Variants in MAP3K20 observed in about 807,000 individuals in gnomAD.
The protein encoded by MAP3K20 is mitogen-activated protein kinase kinase kinase 20.
A neutral mutation model predicts 85.7 loss-of-function variants in MAP3K20; 40 were observed. The ratio of observed to expected loss-of-function variants is 0.47; its 90% CI spans 0.36 to 0.61. MAP3K20 has a LOEUF of 0.61. MAP3K20 is among the 20% of genes least tolerant of loss of function. The pLI is 0.00. For missense variants in MAP3K20, 817 were observed against 961.7 expected (o/e 0.85, Z 1.99); for synonymous variants, 325 against 327.7 (o/e 0.99, Z 0.09).
intron 10 of MAP3K20, chr2:173,210,608 A>C (rs149921852): frequency 1.3e-5 from 2 of 152,350 alleles, no homozygotes; most frequent in Admixed American, 1.3e-4. Context: ...AGAAAATTGT[A>C]TTGCATGAGT....
intron 18 of MAP3K20, 78 bp downstream of exon 18, chr2:173,261,215 T>A (rs2106356649): frequency 6.8e-7 from 1 of 1,467,470 alleles, no homozygotes; most frequent in Non-Finnish European, 9.4e-7. Flanking sequence ...TCAGAGCATA[T>A]AATTTATTGG....
At chr2:173,171,475 TGAG>T (rs1201208643) in intron 3 of MAP3K20, among the ~76,000 whole-genome samples, 1 of 152,182 alleles carries the variant, frequency 6.6e-6, no homozygotes, top group African/African-American at 2.4e-5. Flanking sequence ...TCTAGTTTCT[TGAG>T]GTGAGGGTGA....
chr2:173,228,330 G>A (rs965061705), intron 11 of MAP3K20, among the ~76,000 whole-genome samples: 3 of 151,292 alleles, frequency 2.0e-5, no homozygotes, highest in Non-Finnish European at 4.4e-5. Flanking sequence ...TCCCTCTCCC[G>A]CCATGCCAGG....
At chr2:173,235,377 AT>A (rs1237509946) in intron 14 of MAP3K20, among the ~76,000 whole-genome samples, 1 of 152,212 alleles carries the variant, frequency 6.6e-6, no homozygotes, top group African/African-American at 2.4e-5. Context: ...AACAACTGTT[AT>A]CCCCCACCTG....
At chr2:173,120,975 G>A (rs1236715845) in intron 2 of MAP3K20, among the ~76,000 whole-genome samples, 1 of 151,500 alleles carries the variant, frequency 6.6e-6, no homozygotes, top group African/African-American at 2.4e-5. Flanking sequence ...CCAAAGTGCT[G>A]GGATTACAGG....
intron 11 of MAP3K20, chr2:173,221,760 G>A: frequency 8.2e-7 from 1 of 1,223,430 alleles, no homozygotes; most frequent in Non-Finnish European, 1.0e-6. Context: ...AGCAAATGTG[G>A]TGCCTGATTA....
chr2:173,194,114 T>G (rs769876450), intron 7 of MAP3K20, among the ~76,000 whole-genome samples: 2 of 152,180 alleles, frequency 1.3e-5, no homozygotes, highest in Non-Finnish European at 2.9e-5. Context: ...TTAAAACAGC[T>G]TCTGCTGTGT....
At position 173,164,204 on chromosome 2, in the gene MAP3K20, C is replaced by T. The variant is rs191479293; in HGVS notation, c.160-5601C>T. On this transcript the variant is annotated intron_variant, in intron 2 of 19. Transcript: ENST00000375213. ...CCAACTCCTGCCCTTGTGATCTGCC[C>T]GCCTCGGCCTCCCAAAGTGCTGGGA... 1.2e-4 allele frequency among the ~76,000 whole-genome samples: 18 copies of T among 152,190 alleles called. No individual in the cohort carries two copies. The East Asian group carries it at 2.9e-3, about 24-fold the overall frequency.
At chr2:173,213,829 TATTA>T (rs1334847010) in intron 10 of MAP3K20, among the ~76,000 whole-genome samples, 1 of 152,230 alleles carries the variant, frequency 6.6e-6, no homozygotes, top group African/African-American at 2.4e-5. Flanking sequence ...CATTTTAGGT[TATTA>T]AGGTGTCTAA....
At chr2:173,080,739 C>G (rs1191258713) in intron 1 of MAP3K20, among the ~76,000 whole-genome samples, 1 of 152,148 alleles carries the variant, frequency 6.6e-6, no homozygotes, top group East Asian at 1.9e-4. Context: ...GTCCTGTTCC[C>G]AAGTTATACT....
At chr2:173,090,582 C>T (rs1318381273) in intron 1 of MAP3K20, 18 of 980,518 alleles carry the variant, frequency 1.8e-5, no homozygotes, top group East Asian at 1.1e-4. Flanking sequence ...GTGAGTGCAG[C>T]GTGGAGAGGT....
chr2:173,224,765 C>T, intron 11 of MAP3K20: 1 of 985,338 alleles, frequency 1.0e-6, no homozygotes, highest in Non-Finnish European at 1.2e-6. Context: ...ATCATATAAT[C>T]AGAATTCTAT....
chr2:173,200,602 A>G (rs770197362), intron 8 of MAP3K20, among the ~76,000 whole-genome samples: 2 of 152,126 alleles, frequency 1.3e-5, no homozygotes, highest in East Asian at 1.9e-4. Flanking sequence ...TGAAATAATT[A>G]TAGATTCACA....
chr2:173,156,630 G>A (rs751156658), intron 2 of MAP3K20, among the ~76,000 whole-genome samples: 25 of 152,150 alleles, frequency 1.6e-4, no homozygotes, highest in Non-Finnish European at 4.4e-5. Context: ...AATAGGGTTT[G>A]TGCTCCTCTG....
intron 1 of MAP3K20, among the ~76,000 whole-genome samples, chr2:173,083,853 T>C (rs1687074378): frequency 1.3e-5 from 2 of 152,192 alleles, no homozygotes; most frequent in Non-Finnish European, 2.9e-5. Context: ...AAGTATCTTT[T>C]TTGTCACATC....
At chr2:173,234,832 G>A (rs918539139) in intron 14 of MAP3K20, among the ~76,000 whole-genome samples, 2 of 152,188 alleles carry the variant, frequency 1.3e-5, no homozygotes, top group Admixed American at 1.3e-4. Flanking sequence ...GCTGGAATTT[G>A]ACCAGCTGTT....
At chr2:173,099,810 T>C (rs960772137) in intron 2 of MAP3K20, among the ~76,000 whole-genome samples, 5 of 152,250 alleles carry the variant, frequency 3.3e-5, no homozygotes, top group Non-Finnish European at 7.3e-5. Flanking sequence ...TAAGTTTTCA[T>C]GTGAACATGC....
At chr2:173,186,860 A>G (rs936941162) in intron 4 of MAP3K20, among the ~76,000 whole-genome samples, 1 of 152,230 alleles carries the variant, frequency 6.6e-6, no homozygotes, top group Non-Finnish European at 1.5e-5. Context: ...AAAATAATAA[A>G]GCTCTATAAA....
intron 2 of MAP3K20, among the ~76,000 whole-genome samples, chr2:173,111,390 G>C (rs1027167173): frequency 6.6e-6 from 1 of 152,146 alleles, no homozygotes; most frequent in African/African-American, 2.4e-5. Context: ...TTACTCTGCT[G>C]ACTGTTCCTT....
Sources: allele counts gnomAD v4.1 joint callset (sites outside exome capture counted in the v4.1 genomes callset), GRCh38; gene constraint gnomAD v4.1.1; transcripts MANE v1.5; gene names NCBI Gene and HGNC (gene_info 2026-07-23, HGNC 2026-07-21).